The following PLTP variants were observed in gnomAD, a reference collection of about 807,000 sequenced individuals.
PLTP encodes BPI fold containing family E.
A neutral mutation model predicts 54.1 loss-of-function variants in PLTP; 43 were observed. The ratio of observed to expected loss-of-function variants is 0.79; its 90% CI spans 0.62 to 1.02. The LOEUF is 1.02. Among genes scored for constraint, PLTP ranks in the 50% least tolerant of loss-of-function variants. The probability of loss-of-function intolerance (pLI) is 0.00; values close to 1 mark genes in which losing one functional copy is unlikely to be tolerated. For missense variants in PLTP, 604 were observed against 645.9 expected (o/e 0.94, Z 0.70); for synonymous variants, 263 against 264.6 (o/e 0.99, Z 0.06).
chr20:45,909,804 T>C, intron 4 of PLTP, 133 bp from the exon 5 acceptor site: 1 of 1,415,776 alleles, frequency 7.1e-7, no homozygotes. Context: ...TCAACTCGTA[T>C]GAAATGCATA....
intron 13 of PLTP, 29 bp downstream of exon 13, chr20:45,899,807 G>GGGGCCCC: frequency 1.0e-5 from 14 of 1,369,446 alleles, no homozygotes; most frequent in African/African-American, 3.0e-5. Flanking sequence ...CACGAACCCA[G>GGGGCCCC]CCCAGCCCAC....
intron 7 of PLTP, among the ~76,000 whole-genome samples, chr20:45,907,194 G>A (rs1174319479): frequency 6.6e-6 from 1 of 151,518 alleles, no homozygotes; most frequent in Non-Finnish European, 1.5e-5. Flanking sequence ...GGGCATGGTG[G>A]TGCACGCCTG....
intron 8 of PLTP, among the ~76,000 whole-genome samples, chr20:45,905,865 T>C (rs2083234227): frequency 6.6e-6 from 1 of 152,240 alleles, no homozygotes; most frequent in Non-Finnish European, 1.5e-5. Flanking sequence ...AGTCTCCACA[T>C]TCCTAAAATT....
chr20:45,907,597 GAACCCAGGACTGTTC>G, intron 7 of PLTP, 80 bp downstream of exon 7: 1 of 1,199,738 alleles, frequency 8.3e-7, no homozygotes, highest in Non-Finnish European at 1.2e-6. Context: ...GGCCACATTT[GAACCCAGGACTGTTC>G]AACAGCAGGG....
chr20:45,905,188 C>T, intron 8 of PLTP, 70 bp from the exon 9 acceptor site: 2 of 1,402,798 alleles, frequency 1.4e-6, no homozygotes, highest in African/African-American at 1.4e-5. Flanking sequence ...GCAGGTGTCT[C>T]CCAGCCCCGT....
chr20:45,911,578 G>C, intron 1 of PLTP, 115 bp from the exon 2 acceptor site: 1 of 1,397,986 alleles, frequency 7.2e-7, no homozygotes, highest in Non-Finnish European at 9.8e-7. Context: ...ACTCTTCGGG[G>C]AACTTGGAAC....
intron 12 of PLTP, 30 bp downstream of exon 12, chr20:45,902,237 A>C (rs2083191871): frequency 6.2e-7 from 1 of 1,610,126 alleles, no homozygotes; most frequent in South Asian, 1.1e-5. Flanking sequence ...TCCTCCAATC[A>C]CTGAGGTGCA....
chr20:45,900,831 C>G (rs1027090757), intron 12 of PLTP, among the ~76,000 whole-genome samples: 1 of 152,106 alleles, frequency 6.6e-6, no homozygotes, highest in African/African-American at 2.4e-5. Context: ...ACCCAGCCAA[C>G]GTGTTTAAAA....
At chr20:45,899,807 G>GGGCCCCGGGC in intron 13 of PLTP, 29 bp downstream of exon 13, 3 of 1,369,462 alleles carry the variant, frequency 2.2e-6, no homozygotes, top group African/African-American at 1.5e-5. Context: ...CACGAACCCA[G>GGGCCCCGGGC]CCCAGCCCAC....
intron 12 of PLTP, among the ~76,000 whole-genome samples, chr20:45,901,476 C>T (rs1267238045): frequency 6.6e-6 from 1 of 152,140 alleles, no homozygotes; most frequent in East Asian, 1.9e-4. Flanking sequence ...TGCATGCAGT[C>T]CCAGTTACTC....
chr20:45,898,917 GC>G lies in PLTP; in HGVS notation c.*23del. ...AGAGGGGTTGGGGTCCTGAATGACAGCTGCCAGCTTGGGGATTGAGGGCTCA... is the reference window on the plus strand; with the variant it reads ...AGAGGGGTTGGGGTCCTGAATGACAGTGCCAGCTTGGGGATTGAGGGCTCA... On this transcript the variant is annotated 3_prime_UTR_variant, in exon 16 of 16. Transcript: ENST00000372431. The surrounding 1 kb of genome is among the most constrained non-coding windows in gnomAD (Gnocchi z 4.6). The G allele has an allele frequency of 1.2e-6, 2 of 1,612,052 alleles. No homozygotes were observed. Among genetic ancestry groups the G allele is most frequent in the Non-Finnish European group, 1.7e-6 (2 of 1,178,412 alleles).
chr20:45,904,745 T>C lies in PLTP; in HGVS notation c.942+55A>G. 1.9e-6 allele frequency: 3 copies of C among 1,574,372 alleles called. No homozygotes were observed. The African/African-American group carries it at 4.0e-5, about 21-fold the overall frequency. Reference sequence around the variant, plus strand: ...CCACTGGGGGCCCCACCTGCACCCCTCCTTGGTCTCACTGGTGTGCAGGTG... The same window carrying C: ...CCACTGGGGGCCCCACCTGCACCCCCCCTTGGTCTCACTGGTGTGCAGGTG... On this transcript the variant is annotated intron_variant, in intron 10 of 15. Transcript: ENST00000372431.
rs1402309586 is a variant in PLTP at position 45,911,188 on chromosome 20, C to G, written c.164G>C (p.Arg55Pro). The G allele has an allele frequency of 6.2e-7, 1 of 1,614,150 alleles. No individual in the cohort carries two copies. The highest frequency in any genetic ancestry group is 1.3e-5 in the African/African-American group (1 of 75,030). Residue 55 changes from arginine (R) to proline (P), a missense_variant, in exon 3 of 16, where the codon CGG becomes CCG. Arg to Pro is a moderately radical substitution (Grantham distance 103). Transcript: ENST00000372431. Reference protein sequence around the residue: ...ELETITIPDLRGKEGHFYYNI... With the variant: ...ELETITIPDLPGKEGHFYYNI... ...GTAGTAGAAGTGGCCTTCTTTGCCC[C>G]GCAGGTCCGGAATGGTGATAGTCTC...
intron 4 of PLTP, 66 bp from the exon 5 acceptor site, chr20:45,909,737 C>T: frequency 6.4e-7 from 1 of 1,557,040 alleles, no homozygotes. Context: ...CCCCATGCAT[C>T]ACCATACCTC....
chr20:45,899,807 G>GGGGCCCCCCCC, intron 13 of PLTP, 29 bp downstream of exon 13: 1 of 1,369,466 alleles, frequency 7.3e-7, no homozygotes, highest in Non-Finnish European at 1.0e-6. Flanking sequence ...CACGAACCCA[G>GGGGCCCCCCCC]CCCAGCCCAC....
At chr20:45,911,644 C>A (rs1289886690) in intron 1 of PLTP, 181 bp from the exon 2 acceptor site, 5 of 781,762 alleles carry the variant, frequency 6.4e-6, no homozygotes, top group African/African-American at 5.2e-5. Context: ...AGAGGCGATG[C>A]GACTTGCGTT....
chr20:45,907,637 G>T, intron 7 of PLTP, 55 bp downstream of exon 7: 1 of 1,524,086 alleles, frequency 6.6e-7, no homozygotes, highest in Non-Finnish European at 9.1e-7. Flanking sequence ...GAAGGGGCCT[G>T]CTCTGAGGTG....
intron 12 of PLTP, among the ~76,000 whole-genome samples, chr20:45,900,098 C>CT (rs71181874): frequency 0.013 from 722 of 55,730 alleles, 200 homozygotes; most frequent in Non-Finnish European, 0.015. Flanking sequence ...TTGAGCACCT[C>CT]TTTTTTTTTT....
chr20:45,899,190 A>C (rs2083149057), intron 15 of PLTP, 127 bp from the exon 16 acceptor site: 2 of 1,392,302 alleles, frequency 1.4e-6, no homozygotes, highest in Non-Finnish European at 2.0e-6. Context: ...CAAGGTGTTA[A>C]AATGAGGCTG....
Sources: allele counts gnomAD v4.1 joint callset (sites outside exome capture counted in the v4.1 genomes callset), GRCh38; gene constraint gnomAD v4.1.1; non-coding constraint Gnocchi (gnomAD v3.1); transcripts MANE v1.5; gene names NCBI Gene and HGNC (gene_info 2026-07-23, HGNC 2026-07-21).